Variants in SLC35F4 observed in about 807,000 individuals in gnomAD.
SLC35F4 encodes chromosome 14 open reading frame 36.
Under a neutral mutation model 44.2 loss-of-function variants are expected in SLC35F4, and 24 were observed. The ratio of observed to expected loss-of-function variants is 0.54; its 90% CI spans 0.39 to 0.76. The LOEUF is 0.76. SLC35F4 is among the 30% of genes least tolerant of loss of function. The probability of loss-of-function intolerance (pLI) is 0.00; values close to 1 mark genes in which losing one functional copy is unlikely to be tolerated. For missense variants in SLC35F4, 562 were observed against 586.1 expected, an observed-to-expected ratio of 0.96 and a Z score of 0.42; for synonymous variants, 238 against 223.6, an observed-to-expected ratio of 1.06 and a Z score of -0.57.
chr14:57,576,062 A>G (rs1286687029), intron 4 of SLC35F4, among the ~76,000 whole-genome samples: 1 of 150,740 alleles, frequency 6.6e-6, no homozygotes, highest in Non-Finnish European at 1.5e-5. Context: ...CCTTCTGTGC[A>G]TCTCCATGAG....
At chr14:57,567,115 T>G (rs2139668217) in intron 6 of SLC35F4, among the ~76,000 whole-genome samples, 1 of 152,352 alleles carries the variant, frequency 6.6e-6, no homozygotes, top group Non-Finnish European at 1.5e-5. Context: ...CATTCTGATT[T>G]GTGTACAGAT....
At chr14:57,844,342 A>G (rs945393651) in intron 1 of SLC35F4, among the ~76,000 whole-genome samples, 3 of 152,206 alleles carry the variant, frequency 2.0e-5, no homozygotes, top group Non-Finnish European at 4.4e-5. Context: ...AGTGGTGTGA[A>G]TAACACGGGG....
chr14:57,674,057 A>G (rs2074607152), intron 1 of SLC35F4, among the ~76,000 whole-genome samples: 1 of 151,988 alleles, frequency 6.6e-6, no homozygotes. Flanking sequence ...TTTTACTTTT[A>G]TCTTAAGTTC....
At chr14:57,792,193 A>G (rs989583781) in intron 1 of SLC35F4, among the ~76,000 whole-genome samples, 1 of 152,184 alleles carries the variant, frequency 6.6e-6, no homozygotes, top group Non-Finnish European at 1.5e-5. Flanking sequence ...GGAAATGCAA[A>G]TCAAAATGAC....
intron 1 of SLC35F4, among the ~76,000 whole-genome samples, chr14:57,723,969 G>A (rs573659336): frequency 2.0e-5 from 3 of 152,266 alleles, no homozygotes; most frequent in East Asian, 3.9e-4. Flanking sequence ...GGGGTCAAGA[G>A]GTGTGGGGCC....
At chr14:57,961,995 A>G (rs1890348220) in intron 1 of SLC35F4, among the ~76,000 whole-genome samples, 1 of 152,204 alleles carries the variant, frequency 6.6e-6, no homozygotes, top group African/African-American at 2.4e-5. Context: ...TGCCCAGTAA[A>G]TATTTTTGAA....
intron 1 of SLC35F4, among the ~76,000 whole-genome samples, chr14:57,757,833 C>G (rs946467395): frequency 1.3e-5 from 2 of 152,038 alleles, no homozygotes; most frequent in African/African-American, 4.8e-5. Flanking sequence ...TTTCTGTACT[C>G]TTCATTCTTT....
intron 1 of SLC35F4, among the ~76,000 whole-genome samples, chr14:57,660,217 A>C (rs17093242): frequency 0.23 from 35,065 of 152,144 alleles, 4,510 homozygotes; most frequent in African/African-American, 0.35. Flanking sequence ...GTGTTTTTGG[A>C]TGGTGAACAT....
intron 1 of SLC35F4, among the ~76,000 whole-genome samples, chr14:57,830,727 TTTATCTA>T (rs1884280843): frequency 6.6e-6 from 1 of 152,098 alleles, no homozygotes; most frequent in Non-Finnish European, 1.5e-5. Flanking sequence ...AAATACCAAC[TTTATCTA>T]TGAGGAGGGA....
At chr14:57,618,762 A>C (rs2072006721) in intron 1 of SLC35F4, among the ~76,000 whole-genome samples, 1 of 152,214 alleles carries the variant, frequency 6.6e-6, no homozygotes, top group African/African-American at 2.4e-5. Flanking sequence ...TCCCACCCGC[A>C]CAGAACCCAG....
chr14:57,834,820 G>T (rs775699323), intron 1 of SLC35F4, among the ~76,000 whole-genome samples: 1 of 152,170 alleles, frequency 6.6e-6, no homozygotes, highest in Non-Finnish European at 1.5e-5. Context: ...AGGAGTTCGA[G>T]ACCAGCATGG....
At chr14:57,680,417 A>G (rs1430344314) in intron 1 of SLC35F4, among the ~76,000 whole-genome samples, 8 of 152,144 alleles carry the variant, frequency 5.3e-5, no homozygotes, top group Admixed American at 2.0e-4. Context: ...AACCAATATC[A>G]TACTGAATCG....
intron 3 of SLC35F4, among the ~76,000 whole-genome samples, chr14:57,585,812 A>C (rs964504693): frequency 6.6e-6 from 1 of 152,240 alleles, no homozygotes; most frequent in African/African-American, 2.4e-5. Flanking sequence ...ACCACTGCTC[A>C]AGGAAATAAG....
At chr14:57,724,562 T>C (rs555432147) in intron 1 of SLC35F4, among the ~76,000 whole-genome samples, 57 of 152,234 alleles carry the variant, frequency 3.7e-4, no homozygotes, top group African/African-American at 1.3e-3. Flanking sequence ...ATATACGTGA[T>C]TGGGCTCAAG....
chr14:57,611,471 T>A (rs2071494864), intron 1 of SLC35F4, among the ~76,000 whole-genome samples: 1 of 151,628 alleles, frequency 6.6e-6, no homozygotes, highest in African/African-American at 2.4e-5. Flanking sequence ...CGGGGAACAG[T>A]CCTGGGAAAT....
intron 1 of SLC35F4, among the ~76,000 whole-genome samples, chr14:57,666,148 A>G (rs1465465058): frequency 6.6e-6 from 1 of 152,210 alleles, no homozygotes; most frequent in African/African-American, 2.4e-5. Context: ...TTGTCATAGG[A>G]AAGTCCTTTG....
intron 1 of SLC35F4, among the ~76,000 whole-genome samples, chr14:57,897,639 G>A (rs114008077): frequency 3.6e-4 from 55 of 152,080 alleles, no homozygotes; most frequent in African/African-American, 1.3e-3. Flanking sequence ...AACACACTTA[G>A]TCCACGAAAG....
chr14:57,910,071 A>G (rs1889186896), intron 1 of SLC35F4, among the ~76,000 whole-genome samples: 1 of 151,930 alleles, frequency 6.6e-6, no homozygotes, highest in African/African-American at 2.4e-5. Context: ...ATTTTTTCGT[A>G]TATTTCCGTG....
At chr14:57,624,476 C>A (rs1021293093) in intron 1 of SLC35F4, among the ~76,000 whole-genome samples, 1 of 152,142 alleles carries the variant, frequency 6.6e-6, no homozygotes, top group African/African-American at 2.4e-5. Context: ...CATCCTGATA[C>A]AACAACCTGG....
Sources: allele counts gnomAD v4.1 joint callset (sites outside exome capture counted in the v4.1 genomes callset), GRCh38; gene constraint gnomAD v4.1.1; transcripts MANE v1.5; gene names NCBI Gene and HGNC (gene_info 2026-07-23, HGNC 2026-07-21).